Variants in HOOK3 observed in about 807,000 individuals in gnomAD.
HOOK3 encodes protein Hook homolog 3.
HOOK3 carries 24 observed loss-of-function variants against 116.3 expected under a neutral mutation model. The ratio of observed to expected loss-of-function variants is 0.21; its 90% CI spans 0.15 to 0.29. The LOEUF (loss-of-function observed/expected upper bound fraction) is 0.29. Among genes scored for constraint, HOOK3 ranks in the 10% least tolerant of loss-of-function variants. The pLI is 1.00. For missense variants in HOOK3, 632 were observed against 830.2 expected, an observed-to-expected ratio of 0.76 and a Z score of 2.93; for synonymous variants, 275 against 283.0, an observed-to-expected ratio of 0.97 and a Z score of 0.28.
At chr8:43,015,129 T>A (rs1003829622) in intron 21 of HOOK3, among the ~76,000 whole-genome samples, 1 of 151,946 alleles carries the variant, frequency 6.6e-6, no homozygotes, top group Non-Finnish European at 1.5e-5. Flanking sequence ...AGAGTGAGAC[T>A]CTGTCTCAAA....
intron 5 of HOOK3, among the ~76,000 whole-genome samples, chr8:42,946,709 T>C (rs1808234792): frequency 6.6e-6 from 1 of 151,848 alleles, no homozygotes. Context: ...TAAAACAATA[T>C]ATTTCTTTTC....
chr8:42,898,383 C>T (rs1302493995), intron 1 of HOOK3, among the ~76,000 whole-genome samples: 2 of 152,176 alleles, frequency 1.3e-5, no homozygotes, highest in Non-Finnish European at 2.9e-5. Context: ...GCTTACCCTT[C>T]TGATGAGTTC....
At chr8:43,009,515 T>C (rs1434477056) in intron 18 of HOOK3, among the ~76,000 whole-genome samples, 4 of 152,196 alleles carry the variant, frequency 2.6e-5, no homozygotes, top group Non-Finnish European at 5.9e-5. Flanking sequence ...GAATATTATA[T>C]GATGTTAAGA....
At chr8:42,973,620 A>G (rs755301023) in intron 12 of HOOK3, among the ~76,000 whole-genome samples, 2 of 152,178 alleles carry the variant, frequency 1.3e-5, no homozygotes, top group Non-Finnish European at 2.9e-5. Flanking sequence ...TTTTTTATAT[A>G]GTTATCTTTT....
chr8:42,918,625 G>A (rs933645325), intron 2 of HOOK3, among the ~76,000 whole-genome samples: 1 of 152,060 alleles, frequency 6.6e-6, no homozygotes, highest in Non-Finnish European at 1.5e-5. Flanking sequence ...GAGTGGTGAT[G>A]ACTCTTAACG....
At chr8:42,986,991 T>A (rs1168175586) in intron 15 of HOOK3, among the ~76,000 whole-genome samples, 196 bp downstream of exon 15, 1 of 152,008 alleles carries the variant, frequency 6.6e-6, no homozygotes, top group African/African-American at 2.4e-5. Flanking sequence ...TGAAACTCCA[T>A]CTCTACAAAA....
In HOOK3 at chr8:43,019,328, A is replaced by G. The variant is rs1233963433; in HGVS notation, c.*830A>G. ...ATCATTTTCTAACAATGTGGTTGACATACCTTCAGTTGCTTTCCACATCTA... is the reference window on the plus strand; with the variant it reads ...ATCATTTTCTAACAATGTGGTTGACGTACCTTCAGTTGCTTTCCACATCTA... On this transcript the variant is annotated 3_prime_UTR_variant, in exon 22 of 22. Transcript: ENST00000307602. 2.3e-5 allele frequency: 5 copies of G among 214,954 alleles called. No individual in the cohort carries two copies. The highest frequency in any genetic ancestry group is 4.7e-5 in the Non-Finnish European group (5 of 106,848). The allele number at this position is 214,954 out of a possible 1,614,324, so 13.3% of individuals were successfully genotyped here.
At chr8:42,926,696 A>G (rs1807772348) in intron 3 of HOOK3, among the ~76,000 whole-genome samples, 1 of 152,250 alleles carries the variant, frequency 6.6e-6, no homozygotes, top group East Asian at 1.9e-4. Context: ...CGTAACTATA[A>G]TACAATATCA....
intron 16 of HOOK3, among the ~76,000 whole-genome samples, chr8:43,001,435 TTTA>T (rs1423804160): frequency 6.6e-6 from 1 of 152,156 alleles, no homozygotes; most frequent in African/African-American, 2.4e-5. Flanking sequence ...TTCCATAAAA[TTTA>T]TTAATAGTAT....
chr8:42,966,760 T>C, intron 10 of HOOK3, 147 bp downstream of exon 10: 1 of 707,592 alleles, frequency 1.4e-6, no homozygotes, highest in Non-Finnish European at 2.3e-6. Flanking sequence ...ATGGCTGTTT[T>C]CTCATCTGCA....
intron 17 of HOOK3, among the ~76,000 whole-genome samples, chr8:43,006,254 T>C (rs1809486594): frequency 6.6e-6 from 1 of 151,548 alleles, no homozygotes; most frequent in African/African-American, 2.4e-5. Context: ...TCTCCTGACC[T>C]CGTGATCCGC....
chr8:42,943,203 C>T, intron 4 of HOOK3, 110 bp from the exon 5 acceptor site: 1 of 558,248 alleles, frequency 1.8e-6, no homozygotes, highest in Non-Finnish European at 2.8e-6. Flanking sequence ...GGAACATAAT[C>T]ACTCTGTCCT....
intron 2 of HOOK3, among the ~76,000 whole-genome samples, chr8:42,916,666 A>T (rs1041009964): frequency 6.6e-6 from 1 of 152,230 alleles, no homozygotes; most frequent in Non-Finnish European, 1.5e-5. Context: ...ACCAGACAGT[A>T]TAATCCACAC....
At chr8:42,997,519 C>G (rs1383251184) in intron 15 of HOOK3, 31 bp from the exon 16 acceptor site, 7 of 1,422,600 alleles carry the variant, frequency 4.9e-6, no homozygotes, top group Non-Finnish European at 6.9e-6. Context: ...TAACTCACCA[C>G]TTGGAAAATT....
intron 4 of HOOK3, among the ~76,000 whole-genome samples, chr8:42,932,160 T>C (rs1479100627): frequency 6.6e-6 from 1 of 152,184 alleles, no homozygotes; most frequent in Non-Finnish European, 1.5e-5. Context: ...TTCCTAATCA[T>C]GTCAAATAAA....
In HOOK3 at chr8:43,029,277, G is replaced by A. The variant is rs1809988681; in HGVS notation, c.*10779G>A. ...CTATTCTCCTGCCTCAGCCTCCCAA[G>A]TAACTGGGACTGCAGGCACATGCCA... On this transcript the variant is annotated 3_prime_UTR_variant, in exon 22 of 22. Transcript: ENST00000307602. The A allele has an allele frequency of 1.2e-5, 2 of 165,358 alleles. No individual in the cohort carries two copies. Among genetic ancestry groups the A allele is most frequent in the South Asian group, 4.1e-4 (2 of 4,932 alleles). 10.2% of individuals were successfully genotyped at this position (165,358 alleles called of 1,614,324 possible). A position where few individuals can be genotyped will look rare whatever the true frequency, so the allele number is the denominator to read the frequency against.
chr8:42,996,739 G>T (rs1044119274), intron 15 of HOOK3, among the ~76,000 whole-genome samples: 1 of 151,982 alleles, frequency 6.6e-6, no homozygotes, highest in Non-Finnish European at 1.5e-5. Context: ...CTCATTTCAA[G>T]CCCAGAGTAT....
At chr8:42,997,112 TG>T (rs1809293962) in intron 15 of HOOK3, among the ~76,000 whole-genome samples, 1 of 152,144 alleles carries the variant, frequency 6.6e-6, no homozygotes, top group African/African-American at 2.4e-5. Context: ...TTCACCATGC[TG>T]GCCAGGCTGG....
chr8:43,015,962 C>T (rs552366971), intron 21 of HOOK3, among the ~76,000 whole-genome samples: 8 of 151,840 alleles, frequency 5.3e-5, no homozygotes, highest in South Asian at 4.2e-4. Context: ...GTGATTCACC[C>T]GCCTCAGTCT....
Sources: gnomAD v4.1 joint callset for allele counts (sites outside exome capture counted in the v4.1 genomes callset) on GRCh38, gnomAD v4.1.1 for gene constraint, MANE v1.5 for transcripts, NCBI Gene and HGNC (gene_info 2026-07-23, HGNC 2026-07-21) for gene names.